DOCK8: variants seen among roughly 807,000 people sequenced by gnomAD.
The protein encoded by DOCK8 is dedicator of cytokinesis 8.
DOCK8 carries 141 observed loss-of-function variants against 245.6 expected under a neutral mutation model. The ratio of observed to expected loss-of-function variants is 0.57; its 90% CI spans 0.50 to 0.66. The LOEUF (loss-of-function observed/expected upper bound fraction) is 0.66, where lower values mean the gene tolerates loss of function less well. Ranked by LOEUF, DOCK8 falls within the 30% of genes least tolerant of loss-of-function variation. The pLI is 0.00. For synonymous variants in DOCK8, 1,168 were observed against 970.2 expected (o/e 1.20, Z -3.79); for missense variants, 2,965 against 2,603.4 (o/e 1.14, Z -3.02).
Position 420,978 on chromosome 9 carries a change from C to T in DOCK8, c.4053C>T (p.Thr1351=). 3 of 1,614,172 alleles carry T rather than the reference C, an allele frequency of 1.9e-6. No homozygotes were observed. Among genetic ancestry groups the T allele is most frequent in the Non-Finnish European group, 2.5e-6 (3 of 1,180,034 alleles). The change falls in exon 32 of 48, where the codon ACC becomes ACT. Residue 1351 remains threonine (T), a synonymous_variant. Transcript: ENST00000432829. ...KGKQSSDKVS[T]QVLQKSRDVK... is the part of the protein sequence containing the mutation. ...AACAGAGTTCTGACAAAGTCAGTACCCAAGTCCTGCAGAAGTCAAGGGATG... is the reference window on the plus strand; with the variant it reads ...AACAGAGTTCTGACAAAGTCAGTACTCAAGTCCTGCAGAAGTCAAGGGATG...
Position 439,393 on chromosome 9 carries a change from G to T in DOCK8, c.5223+5G>T, listed in dbSNP as rs1253875512. 6.2e-7 allele frequency: 1 copy of T among 1,612,664 alleles called. No homozygotes were observed. The highest frequency in any genetic ancestry group is 1.7e-5 in the Admixed American group (1 of 60,018). The stretch of plus-strand genomic sequence containing the variant: ...GCCGCGGAGCTCTTCAGCACGGTCA[G>T]TGCCCAGAGGGCATCCCGGGGCCTG... On this transcript the variant is annotated splice_donor_5th_base_variant and intron_variant, in intron 40 of 47. Coordinates refer to ENST00000432829, the MANE Select transcript of DOCK8 (RefSeq NM_203447.4).
At chr9:294,229 T>C (rs1327635147) in intron 4 of DOCK8, among the ~76,000 whole-genome samples, 2 of 152,242 alleles carry the variant, frequency 1.3e-5, no homozygotes, top group Admixed American at 1.3e-4. Context: ...CCATTTTTCA[T>C]AATTGCAAAT....
At chr9:424,894 C>G (rs1372969846) in intron 33 of DOCK8, among the ~76,000 whole-genome samples, 1 of 152,232 alleles carries the variant, frequency 6.6e-6, no homozygotes, top group East Asian at 1.9e-4. Context: ...TTTGTGCTGT[C>G]CAATACAGTA....
At chr9:400,872 CCACCA>C (rs2054983463) in intron 26 of DOCK8, among the ~76,000 whole-genome samples, 1 of 101,986 alleles carries the variant, frequency 9.8e-6, no homozygotes, top group African/African-American at 5.2e-5. Context: ...TCCACCATCA[CCACCA>C]CCTCCACCAC....
At chr9:393,918 G>T (rs995554378) in intron 24 of DOCK8, among the ~76,000 whole-genome samples, 3 of 152,116 alleles carry the variant, frequency 2.0e-5, no homozygotes, top group Non-Finnish European at 4.4e-5. Context: ...GAGCCCCCAG[G>T]GTACAGCAGC....
intron 4 of DOCK8, among the ~76,000 whole-genome samples, chr9:294,554 ATG>A (rs2049175590): frequency 6.6e-6 from 1 of 152,214 alleles, no homozygotes; most frequent in African/African-American, 2.4e-5. Context: ...TCCTTTCCTT[ATG>A]TGTTCTAAAA....
chr9:460,858 C>T (rs1268243052), intron 46 of DOCK8, among the ~76,000 whole-genome samples: 1 of 152,206 alleles, frequency 6.6e-6, no homozygotes, highest in Non-Finnish European at 1.5e-5. Flanking sequence ...TGGGTATCTC[C>T]ATAACTTAGT....
At chr9:325,644 AT>A in intron 7 of DOCK8, 26 bp from the exon 8 acceptor site, 1 of 1,605,054 alleles carries the variant, frequency 6.2e-7, no homozygotes. Flanking sequence ...TCAAAGCCAC[AT>A]AGATTTTCCT....
intron 1 of DOCK8, chr9:220,725 T>C (rs761081632): frequency 3.4e-5 from 14 of 411,672 alleles, no homozygotes; most frequent in African/African-American, 1.5e-4. Context: ...TTCTTTTTTT[T>C]TTTTTTTCTT....
intron 14 of DOCK8, among the ~76,000 whole-genome samples, chr9:363,437 A>G (rs1215858478): frequency 6.6e-6 from 1 of 152,220 alleles, no homozygotes; most frequent in Non-Finnish European, 1.5e-5. Flanking sequence ...CATTATTTTT[A>G]TCTGGCTTGG....
intron 2 of DOCK8, chr9:276,847 C>T (rs1277285376): frequency 2.4e-5 from 4 of 165,750 alleles, no homozygotes; most frequent in South Asian, 1.1e-4. Flanking sequence ...CTTGCTCTGT[C>T]GCCCAGGCTG....
intron 2 of DOCK8, among the ~76,000 whole-genome samples, chr9:276,700 G>A (rs963530752): frequency 2.6e-5 from 4 of 152,172 alleles, no homozygotes; most frequent in African/African-American, 7.2e-5. Context: ...ACAGCTGTGT[G>A]AATAGATTAA....
chr9:450,193 C>T (rs1037490307), intron 45 of DOCK8, among the ~76,000 whole-genome samples: 8 of 152,152 alleles, frequency 5.3e-5, no homozygotes, highest in African/African-American at 1.9e-4. Context: ...GAGGAGTCTC[C>T]ACTTCGGGGC....
In DOCK8 at chr9:418,085, T is replaced by TA; in HGVS notation, c.3719dup (p.Tyr1240Ter). The change falls in exon 30 of 48, where the codon TAC (tyrosine) becomes TAAC (stop). Residue 1240 changes from tyrosine (Y) to a stop codon, truncating the protein, a stop_gained and frameshift_variant. Coordinates refer to ENST00000432829, the MANE Select transcript of DOCK8 (RefSeq NM_203447.4). LOFTEE classifies it high-confidence loss of function. Reference sequence around the variant, plus strand: ...CATTGCAGTTGCAGATACTCGCAGATACCGCACCAGTGGCTCGGATGAAGA... The same window carrying TA: ...CATTGCAGTTGCAGATACTCGCAGATAACCGCACCAGTGGCTCGGATGAAGA... ...CDFTVADTRR[Y>*]RTSGSDEEQE... 1 of 1,614,230 alleles carries TA rather than the reference T, an allele frequency of 6.2e-7. No individual in the cohort carries two copies. The highest frequency in any genetic ancestry group is 8.5e-7 in the Non-Finnish European group (1 of 1,180,040).
At position 391,695 on chromosome 9, in the gene DOCK8, G is replaced by C. The variant is rs554714661; in HGVS notation, c.2970+1129G>C. ...TGATGTTGAATGAAAGAGGTCTAAAGACATAGACACCAACTATATAAAAAT... is the reference window on the plus strand; with the variant it reads ...TGATGTTGAATGAAAGAGGTCTAAACACATAGACACCAACTATATAAAAAT... On this transcript the variant is annotated intron_variant, in intron 24 of 47. Transcript: ENST00000432829. 2.6e-5 allele frequency among the ~76,000 whole-genome samples: 4 copies of C among 152,036 alleles called. No individual in the cohort carries two copies. In the South Asian group the frequency reaches 8.3e-4, roughly 32 times the overall value.
At chr9:271,548 G>A (rs770791833) in intron 1 of DOCK8, 79 bp from the exon 2 acceptor site, 9 of 1,128,840 alleles carry the variant, frequency 8.0e-6, no homozygotes, top group South Asian at 4.0e-5. Context: ...TTTATAACAT[G>A]ATATCAAAGA....
chr9:420,411 A>G lies in DOCK8; in HGVS notation c.3851A>G (p.Gln1284Arg). 1 of 1,614,160 alleles carries G rather than the reference A, an allele frequency of 6.2e-7. No individual in the cohort carries two copies. Among genetic ancestry groups the G allele is most frequent in the Non-Finnish European group, 8.5e-7 (1 of 1,180,034 alleles). The part of the protein sequence containing the change: ...GIVLSSLPYK[Q>R]YNMLNADTTR... ...TCTGCCTCCCTTCAGCCCTATAAGCAGTACAACATGCTGAACGCGGACACT... is the reference window on the plus strand; with the variant it reads ...TCTGCCTCCCTTCAGCCCTATAAGCGGTACAACATGCTGAACGCGGACACT... The change falls in exon 31 of 48, where the codon CAG (glutamine) becomes CGG (arginine). Residue 1284 changes from glutamine (Q) to arginine (R), a missense_variant. Gln to Arg is a conservative substitution (Grantham distance 43). Around this residue, in one of 3 missense-constraint regions of DOCK8, gnomAD observed 2,825 missense variants for 2,453.5 expected, o/e 1.15. Coordinates refer to ENST00000432829, the MANE Select transcript of DOCK8 (RefSeq NM_203447.4).
At position 433,937 on chromosome 9, in the gene DOCK8, T is replaced by A. The variant is rs1214176952; in HGVS notation, c.4848T>A (p.Phe1616Leu). 1.2e-6 allele frequency: 2 copies of A among 1,614,046 alleles called. No homozygotes were observed. The highest frequency in any genetic ancestry group is 1.7e-6 in the Non-Finnish European group (2 of 1,180,014). ...ILYDTVKMRE[F>L]QEDPEMLMDL... ...ATGACACAGTGAAAATGAGGGAATT[T>A]CAGGAAGATCCTGAGATGCTTATGG... is the stretch of plus-strand genomic sequence containing the variant. The change falls in exon 38 of 48, where the codon TTT becomes TTA. Residue 1616 changes from phenylalanine (F) to leucine (L), a missense_variant. By Grantham distance (22) the Phe-to-Leu change is conservative. Coordinates refer to ENST00000432829, the MANE Select transcript of DOCK8 (RefSeq NM_203447.4).
chr9:267,315 C>T (rs768821045), intron 1 of DOCK8, among the ~76,000 whole-genome samples: 29 of 152,202 alleles, frequency 1.9e-4, no homozygotes, highest in Admixed American at 2.0e-4. Context: ...AAGCAATCCT[C>T]CCACCTCAGC....
Sources: gnomAD v4.1 joint callset for allele counts (sites outside exome capture counted in the v4.1 genomes callset) on GRCh38, gnomAD v4.1.1 for gene constraint, gnomAD v4.1.1 regional missense constraint, MANE v1.5 for transcripts, NCBI Gene and HGNC (gene_info 2026-07-23, HGNC 2026-07-21) for gene names.